Variants in ALK observed in about 807,000 individuals in gnomAD.
ALK encodes ALK receptor tyrosine kinase, also known as ALK tyrosine kinase receptor.
A neutral mutation model predicts 163.1 loss-of-function variants in ALK; 74 were observed. The ratio of observed to expected loss-of-function variants is 0.45; its 90% CI spans 0.38 to 0.55. The LOEUF (loss-of-function observed/expected upper bound fraction) is 0.55. Ranked by LOEUF, ALK falls within the 20% of genes least tolerant of loss-of-function variation. The pLI is 0.00. For missense variants in ALK, 2,063 were observed against 2,105.3 expected, an observed-to-expected ratio of 0.98 and a Z score of 0.39; for synonymous variants, 960 against 843.2, an observed-to-expected ratio of 1.14 and a Z score of -2.40.
In ALK at chr2:29,851,389, G is replaced by A. The variant is rs535288511; in HGVS notation, c.667+68604C>T. The stretch of plus-strand genomic sequence containing the variant: ...TGGACTCATTTCAATTTCTCAAAAA[G>A]ATGAAGCTGTCTCTTGCGCCAAGAC... On this transcript the variant is annotated intron_variant, in intron 1 of 28. Transcript: ENST00000389048. Among the ~76,000 whole-genome samples the A allele has an allele frequency of 4.5e-4, 69 of 152,294 alleles. 1 individual carries two copies. The highest frequency in any genetic ancestry group is 1.6e-3 in the African/African-American group (67 of 41,560).
chr2:29,647,158 T>C (rs1417019900), intron 3 of ALK, among the ~76,000 whole-genome samples: 1 of 152,186 alleles, frequency 6.6e-6, no homozygotes, highest in South Asian at 2.1e-4. Flanking sequence ...CTCCTAGTAA[T>C]GGAAGTTACG....
rs532072510 is a variant in ALK, at chr2:29,376,634, A to G, written c.1282+7098T>C. Among the ~76,000 whole-genome samples, 3 of 152,298 alleles carry G rather than the reference A, an allele frequency of 2.0e-5. No homozygotes were observed. In the South Asian group the frequency reaches 6.2e-4, roughly 32 times the overall value. On this transcript the variant is annotated intron_variant, in intron 5 of 28. Transcript: ENST00000389048. ...AGAGTTTGCTGCTGGCAGCCCCAAGACAGAGTGCCACTGTGATCTACATTT... is the reference window on the plus strand; with the variant it reads ...AGAGTTTGCTGCTGGCAGCCCCAAGGCAGAGTGCCACTGTGATCTACATTT...
Position 29,318,465 on chromosome 2 carries a change from C to T in ALK, c.1547-61G>A. ...ATCAGGAACTGGGGGACCAGGGGTG[C>T]AGGGTTAATGGACTGTGCACAGTTC... On this transcript the variant is annotated intron_variant, in intron 7 of 28. Transcript: ENST00000389048. 4 of 1,194,048 alleles carry T rather than the reference C, an allele frequency of 3.3e-6. No individual in the cohort carries two copies. The South Asian group carries it at 4.9e-5, about 15-fold the overall frequency. The allele number at this position is 1,194,048 out of a possible 1,614,324, so 74.0% of individuals were successfully genotyped here.
chr2:29,604,707 A>C (rs1045008197), intron 3 of ALK, among the ~76,000 whole-genome samples: 7 of 152,208 alleles, frequency 4.6e-5, no homozygotes, highest in Admixed American at 6.5e-5. Flanking sequence ...AAAATGCAAC[A>C]ACCCTAGGAG....
chr2:29,634,008 T>C (rs181170122), intron 3 of ALK, among the ~76,000 whole-genome samples: 145 of 152,324 alleles, frequency 9.5e-4, no homozygotes, highest in African/African-American at 3.4e-3. Flanking sequence ...ACCAATTATA[T>C]ACAAATAGAA....
intron 4 of ALK, among the ~76,000 whole-genome samples, chr2:29,486,517 A>C (rs1671779904): frequency 5.3e-5 from 8 of 152,360 alleles, no homozygotes; most frequent in South Asian, 2.1e-4. Context: ...AGTGTTGCAC[A>C]TAAAGTCAGC....
rs116821400 is a variant in ALK, at chr2:29,790,154, A to G, written c.668-72457T>C. On this transcript the variant is annotated intron_variant, in intron 1 of 28. Transcript: ENST00000389048. ...GAAGAAATCTCTAATGTATGCAGCT[A>G]AAGCATGATTACAGCAATGTTAATG... 7.4e-3 allele frequency among the ~76,000 whole-genome samples: 1,119 copies of G among 152,150 alleles called. 18 individuals carry two copies. The highest frequency in any genetic ancestry group is 0.025 in the African/African-American group (1,032 of 41,402).
chr2:29,631,191 A>G (rs1676362036), intron 3 of ALK, among the ~76,000 whole-genome samples: 1 of 152,236 alleles, frequency 6.6e-6, no homozygotes, highest in Non-Finnish European at 1.5e-5. Context: ...CATTTGAGAA[A>G]ATTCCCCATT....
rs527388513 is a variant in ALK, at chr2:29,835,798, C to T, written c.667+84195G>A. On this transcript the variant is annotated intron_variant, in intron 1 of 28. Coordinates refer to ENST00000389048, the MANE Select transcript of ALK (RefSeq NM_004304.5). The stretch of plus-strand genomic sequence containing the variant: ...GGGGAAACCCCCTTTGCCTGGCTCT[C>T]GTTCTTACTTGTCTGCCTCCATGTA... Among the ~76,000 whole-genome samples the T allele has an allele frequency of 3.9e-3, 601 of 152,260 alleles. 4 individuals are homozygous for T. Among genetic ancestry groups the T allele is most frequent in the Non-Finnish European group, 4.4e-3 (301 of 68,028 alleles).
chr2:29,865,520 C>T (rs1399387788), intron 1 of ALK, among the ~76,000 whole-genome samples: 1 of 152,202 alleles, frequency 6.6e-6, no homozygotes, highest in Non-Finnish European at 1.5e-5. Context: ...TCTGCACATC[C>T]AGACACTCAT....
intron 4 of ALK, among the ~76,000 whole-genome samples, chr2:29,425,758 C>T (rs1177737444): frequency 6.6e-6 from 1 of 152,170 alleles, no homozygotes; most frequent in Non-Finnish European, 1.5e-5. Flanking sequence ...CTCCCCAAAG[C>T]AACAGAATTT....
intron 4 of ALK, among the ~76,000 whole-genome samples, chr2:29,513,742 C>G (rs1408166129): frequency 6.7e-6 from 1 of 149,150 alleles, no homozygotes; most frequent in South Asian, 2.1e-4. Flanking sequence ...ATTTTCACAA[C>G]CTACTCATCT....
chr2:29,795,813 TTTC>T (rs1205016083), intron 1 of ALK, among the ~76,000 whole-genome samples: 1 of 152,202 alleles, frequency 6.6e-6, no homozygotes, highest in Non-Finnish European at 1.5e-5. Flanking sequence ...GAACAATTAA[TTTC>T]TTCTTTTTCA....
At chr2:29,245,764 T>G (rs1158806846) in intron 12 of ALK, among the ~76,000 whole-genome samples, 1 of 148,824 alleles carries the variant, frequency 6.7e-6, no homozygotes, top group Admixed American at 6.7e-5. Context: ...TATGGCTCAG[T>G]GCCCTGCACA....
chr2:29,773,274 C>T (rs554605502), intron 1 of ALK, among the ~76,000 whole-genome samples: 1 of 151,782 alleles, frequency 6.6e-6, no homozygotes, highest in African/African-American at 2.4e-5. Context: ...TTTTAGAGAA[C>T]TAGTTGTTCA....
At chr2:29,243,576 G>A (rs916436035) in intron 12 of ALK, among the ~76,000 whole-genome samples, 5 of 152,136 alleles carry the variant, frequency 3.3e-5, no homozygotes, top group South Asian at 2.1e-4. Flanking sequence ...CCAAGTGGGC[G>A]AACCAGGGCA....
intron 1 of ALK, among the ~76,000 whole-genome samples, chr2:29,748,062 A>C (rs946710277): frequency 1.3e-5 from 2 of 152,138 alleles, no homozygotes; most frequent in Admixed American, 1.3e-4. Flanking sequence ...CTCTGGGAAA[A>C]CAAAAAAGCA....
chr2:29,909,093 T>C (rs1410271233), intron 1 of ALK, among the ~76,000 whole-genome samples: 2 of 152,210 alleles, frequency 1.3e-5, no homozygotes, highest in Non-Finnish European at 2.9e-5. Context: ...GGAGACAAGC[T>C]AGTATGACCT....
chr2:29,919,688 G>C (rs1667932836), intron 1 of ALK, among the ~76,000 whole-genome samples: 1 of 152,178 alleles, frequency 6.6e-6, no homozygotes, highest in African/African-American at 2.4e-5. Context: ...CCGGGGCCCA[G>C]GAAGAGGGGC....
Sources: gnomAD v4.1 joint callset for allele counts (sites outside exome capture counted in the v4.1 genomes callset) on GRCh38, gnomAD v4.1.1 for gene constraint, MANE v1.5 for transcripts, NCBI Gene and HGNC (gene_info 2026-07-23, HGNC 2026-07-21) for gene names.